Variants in LPP observed in about 807,000 individuals in gnomAD.
LPP encodes the protein lipoma-preferred partner.
In LPP, 38 loss-of-function variants were observed where a neutral mutation model predicts 60.4. The ratio of observed to expected loss-of-function variants is 0.63; its 90% CI spans 0.49 to 0.83. The LOEUF is 0.83. LPP is among the 40% of genes least tolerant of loss of function. LPP has a pLI of 0.00. For missense variants in LPP, 902 were observed against 783.6 expected, an observed-to-expected ratio of 1.15 and a Z score of -1.80; for synonymous variants, 328 against 290.8, an observed-to-expected ratio of 1.13 and a Z score of -1.30.
chr3:188,350,495 CAT>C (rs1238359942), intron 3 of LPP, among the ~76,000 whole-genome samples: 4 of 152,206 alleles, frequency 2.6e-5, no homozygotes, highest in East Asian at 3.8e-4. Context: ...CAATCACAGA[CAT>C]GTGTAGCTGA....
At chr3:188,235,021 A>G (rs1721383848) in intron 2 of LPP, among the ~76,000 whole-genome samples, 1 of 152,196 alleles carries the variant, frequency 6.6e-6, no homozygotes, top group South Asian at 2.1e-4. Flanking sequence ...AGGTGATTGA[A>G]CACTGGGACA....
chr3:188,624,524 A>G (rs1351752126), intron 7 of LPP, among the ~76,000 whole-genome samples: 2 of 152,168 alleles, frequency 1.3e-5, no homozygotes, highest in Non-Finnish European at 2.9e-5. Context: ...GCCTAGTCCA[A>G]GTTTGTTTAG....
intron 2 of LPP, among the ~76,000 whole-genome samples, chr3:188,232,504 A>ATT (rs71634069): frequency 0.019 from 1,968 of 103,130 alleles, 66 homozygotes; most frequent in Non-Finnish European, 0.022. Flanking sequence ...ACACCCGGCT[A>ATT]TTTTTTTTTT....
chr3:188,668,414 C>T (rs1257571366), intron 7 of LPP, among the ~76,000 whole-genome samples: 1 of 152,154 alleles, frequency 6.6e-6, no homozygotes, highest in Non-Finnish European at 1.5e-5. Context: ...TTCTAAACCG[C>T]TCTCTGGAAG....
chr3:188,575,708 A>G (rs1834460669), intron 6 of LPP, among the ~76,000 whole-genome samples: 1 of 152,188 alleles, frequency 6.6e-6, no homozygotes, highest in African/African-American at 2.4e-5. Flanking sequence ...CCCACTAGCT[A>G]GAATGGCAAG....
At chr3:188,726,502 A>G (rs1227223623) in intron 8 of LPP, among the ~76,000 whole-genome samples, 1 of 152,200 alleles carries the variant, frequency 6.6e-6, no homozygotes, top group Non-Finnish European at 1.5e-5. Context: ...TATGGGGCTT[A>G]CATTCCAGTG....
intron 6 of LPP, among the ~76,000 whole-genome samples, chr3:188,589,455 G>T (rs6444306): frequency 0.99 from 150,622 of 152,288 alleles, 74,505 homozygotes; most frequent in Middle Eastern, 1. Flanking sequence ...AATAAGATAT[G>T]TATAAGCGTA....
chr3:188,487,892 G>A (rs903122254), intron 5 of LPP, among the ~76,000 whole-genome samples: 7 of 152,250 alleles, frequency 4.6e-5, no homozygotes, highest in South Asian at 2.1e-4. Context: ...CCAAAAGAAC[G>A]TCTACTAAGA....
chr3:188,714,394 C>T (rs1712914456), intron 8 of LPP, among the ~76,000 whole-genome samples: 1 of 152,146 alleles, frequency 6.6e-6, no homozygotes, highest in Admixed American at 6.5e-5. Flanking sequence ...GAATTAACTG[C>T]TGTGACATGG....
intron 7 of LPP, among the ~76,000 whole-genome samples, chr3:188,636,597 G>A (rs1848838004): frequency 6.6e-6 from 1 of 152,168 alleles, no homozygotes; most frequent in South Asian, 2.1e-4. Context: ...TCCAGCTCTG[G>A]GGGCCCAGGG....
intron 2 of LPP, among the ~76,000 whole-genome samples, chr3:188,300,414 G>A (rs1321798621): frequency 6.8e-6 from 1 of 147,994 alleles, no homozygotes; most frequent in Non-Finnish European, 1.5e-5. Context: ...TGCTTACCAA[G>A]AAAGGAACTT....
At chr3:188,543,043 C>G (rs189587402) in intron 6 of LPP, among the ~76,000 whole-genome samples, 6 of 152,262 alleles carry the variant, frequency 3.9e-5, no homozygotes, top group Admixed American at 3.9e-4. Context: ...CTGCTCTTTG[C>G]AATTCAGCCT....
At chr3:188,409,423 T>C (rs533151577) in intron 4 of LPP, among the ~76,000 whole-genome samples, 2 of 152,336 alleles carry the variant, frequency 1.3e-5, no homozygotes, top group Non-Finnish European at 1.5e-5. Flanking sequence ...GATGTATCCA[T>C]GTATTTGTTG....
At chr3:188,499,973 G>T (rs546390212) in intron 5 of LPP, among the ~76,000 whole-genome samples, 6 of 151,954 alleles carry the variant, frequency 3.9e-5, no homozygotes, top group Non-Finnish European at 7.4e-5. Flanking sequence ...GCTCTACTTG[G>T]CTAAATTCAC....
chr3:188,445,842 A>C (rs954413264), intron 4 of LPP, among the ~76,000 whole-genome samples: 1 of 152,206 alleles, frequency 6.6e-6, no homozygotes, highest in Non-Finnish European at 1.5e-5. Flanking sequence ...ACACATCTCC[A>C]ACATATGCAG....
chr3:188,344,145 G>A (rs1763741052), intron 3 of LPP, among the ~76,000 whole-genome samples: 2 of 152,302 alleles, frequency 1.3e-5, no homozygotes, highest in Non-Finnish European at 2.9e-5. Context: ...CTTGTAGACG[G>A]TTGATTATCC....
At chr3:188,506,956 C>T (rs1813670104) in intron 5 of LPP, among the ~76,000 whole-genome samples, 2 of 152,040 alleles carry the variant, frequency 1.3e-5, no homozygotes, top group Admixed American at 6.6e-5. Flanking sequence ...CACCACCACA[C>T]CTGGCTAATT....
intron 2 of LPP, among the ~76,000 whole-genome samples, chr3:188,241,003 G>A (rs1270684307): frequency 1.3e-5 from 2 of 152,300 alleles, no homozygotes; most frequent in Admixed American, 6.5e-5. Flanking sequence ...TACGGGGTAT[G>A]TATGCATAGT....
chr3:188,562,044 C>T (rs1055683825), intron 6 of LPP, among the ~76,000 whole-genome samples: 6 of 129,544 alleles, frequency 4.6e-5, no homozygotes, highest in East Asian at 4.5e-4. Context: ...TTTATAATCA[C>T]GCACACACAG....
Sources: allele counts gnomAD v4.1 joint callset (sites outside exome capture counted in the v4.1 genomes callset), GRCh38; gene constraint gnomAD v4.1.1; transcripts MANE v1.5; gene names NCBI Gene and HGNC (gene_info 2026-07-23, HGNC 2026-07-21).